The following CLIP2 variants were observed in gnomAD, a reference collection of about 807,000 sequenced individuals.
CLIP2 encodes the protein CAP-Gly domain containing linker protein 2, also known as CAP-Gly domain-containing linker protein 2.
Under a neutral mutation model 111.7 loss-of-function variants are expected in CLIP2, and 41 were observed. The observed-to-expected ratio is 0.37, with a 90% confidence interval of 0.29 to 0.48. The LOEUF (loss-of-function observed/expected upper bound fraction) is 0.48, where lower values mean the gene tolerates loss of function less well. CLIP2 is among the 20% of genes least tolerant of loss of function. The pLI, the probability that CLIP2 is intolerant of heterozygous loss-of-function variation, is 0.99. For synonymous variants in CLIP2, 660 were observed against 644.2 expected, an observed-to-expected ratio of 1.02 and a Z score of -0.37; for missense variants, 1,160 against 1,422.1, an observed-to-expected ratio of 0.82 and a Z score of 2.96.
intron 2 of CLIP2, among the ~76,000 whole-genome samples, chr7:74,322,993 C>A (rs1789004561): frequency 6.6e-6 from 1 of 151,966 alleles, no homozygotes; most frequent in East Asian, 1.9e-4. Flanking sequence ...CCTTCCAAAG[C>A]GCTGGGATTA....
intron 13 of CLIP2, among the ~76,000 whole-genome samples, chr7:74,392,456 C>T (rs188284757): frequency 1.3e-5 from 2 of 151,924 alleles, no homozygotes; most frequent in East Asian, 3.9e-4. Flanking sequence ...TTACTTGGGC[C>T]CAGGAAGTGG....
intron 13 of CLIP2, among the ~76,000 whole-genome samples, chr7:74,390,687 G>T (rs1791269610): frequency 7.1e-6 from 1 of 140,944 alleles, no homozygotes; most frequent in Non-Finnish European, 1.5e-5. Context: ...AAATTAATAA[G>T]CCAATTGCAT....
At chr7:74,336,891 T>TTTTTTTTTTTTTTGTTTTTTTTTTTTTTG (rs1564049067) in intron 2 of CLIP2, among the ~76,000 whole-genome samples, 5 of 1,008 alleles carry the variant, frequency 5.0e-3, no homozygotes, top group African/African-American at 6.8e-3. Flanking sequence ...TTTTGTTTTG[T>TTTTTTTTTTTTTTGTTTTTTTTTTTTTTG]TTTTTTTTTT....
chr7:74,404,806 G>C lies in CLIP2; in HGVS notation c.*958G>C, dbSNP rs1307561892. On this transcript the variant is annotated 3_prime_UTR_variant, in exon 17 of 17. Coordinates refer to ENST00000223398, the MANE Select transcript of CLIP2 (RefSeq NM_003388.5). ...TACACACCACGTTCACACACACACA[G>C]AGGGACCACGTGTGCACGCATGACC... The C allele has an allele frequency of 5.9e-5, 9 of 152,216 alleles. No individual in the cohort carries two copies. Among genetic ancestry groups the C allele is most frequent in the Admixed American group, 1.3e-4 (2 of 15,266 alleles). 9.4% of individuals were successfully genotyped at this position (152,216 alleles called of 1,614,324 possible).
chr7:74,332,480 T>TTTTTA (rs10667279), intron 2 of CLIP2, among the ~76,000 whole-genome samples: 2 of 145,806 alleles, frequency 1.4e-5, no homozygotes, highest in Non-Finnish European at 1.5e-5. Context: ...TTTTTTTTTT[T>TTTTTA]AGAGATGGGG....
Position 74,342,688 on chromosome 7 carries a change from C to T in CLIP2, c.678+3684C>T, listed in dbSNP as rs375690398. Among the ~76,000 whole-genome samples, 11 of 151,932 alleles carry T rather than the reference C, an allele frequency of 7.2e-5. No individual in the cohort carries two copies. In the South Asian group the frequency reaches 1.9e-3, roughly 26 times the overall value. Reference sequence around the variant, plus strand: ...CAGCATTTTGGGAGGCCGAGGTAGGCGGATCACTTGAGGTCAGGAGTTCAA... The same window carrying T: ...CAGCATTTTGGGAGGCCGAGGTAGGTGGATCACTTGAGGTCAGGAGTTCAA... On this transcript the variant is annotated intron_variant, in intron 3 of 16. Transcript: ENST00000223398.
At chr7:74,359,264 C>T (rs1321424493) in intron 6 of CLIP2, among the ~76,000 whole-genome samples, 7 of 150,892 alleles carry the variant, frequency 4.6e-5, no homozygotes, top group Admixed American at 6.6e-5. Context: ...CCACCGTGCC[C>T]GGCCAATTTT....
intron 11 of CLIP2, chr7:74,381,555 C>T (rs1554313918): frequency 2.2e-6 from 1 of 453,740 alleles, no homozygotes; most frequent in African/African-American, 2.0e-5. Flanking sequence ...TAACTCTTCA[C>T]TGTTCTCTAT....
At chr7:74,379,683 C>T (rs1408830494) in intron 10 of CLIP2, among the ~76,000 whole-genome samples, 1 of 150,858 alleles carries the variant, frequency 6.6e-6, no homozygotes, top group Non-Finnish European at 1.5e-5. Context: ...AGAATCGCTT[C>T]AGAGTCCTGG....
At chr7:74,388,965 C>A in intron 12 of CLIP2, 138 bp from the exon 13 acceptor site, 1 of 1,049,262 alleles carries the variant, frequency 9.5e-7, no homozygotes, top group Non-Finnish European at 1.4e-6. Context: ...CTAAAAAAAC[C>A]GTCAAAACTA....
At chr7:74,371,276 G>T (rs1453997216) in intron 8 of CLIP2, among the ~76,000 whole-genome samples, 1 of 151,488 alleles carries the variant, frequency 6.6e-6, no homozygotes, top group Admixed American at 6.6e-5. Flanking sequence ...AGGTTGAGGG[G>T]AGGAGTCCTT....
chr7:74,292,908 T>C (rs1298957232), intron 1 of CLIP2, among the ~76,000 whole-genome samples: 1 of 152,202 alleles, frequency 6.6e-6, no homozygotes, highest in Non-Finnish European at 1.5e-5. Flanking sequence ...TGATTCTGCC[T>C]TCTCAGACAC....
intron 1 of CLIP2, among the ~76,000 whole-genome samples, chr7:74,309,506 G>A (rs1415639886): frequency 1.3e-5 from 2 of 152,008 alleles, no homozygotes; most frequent in African/African-American, 2.4e-5. Flanking sequence ...TCATATGAAC[G>A]GATTCATACA....
In CLIP2 at chr7:74,366,652, G is replaced by A. The variant is rs375700307; in HGVS notation, c.1380+2337G>A. ...CAACACTTTGGGAGGCCAAAGCGGC[G>A]GATCACTTGAGGTCAGGAGTTTGAG... is the stretch of plus-strand genomic sequence containing the variant. On this transcript the variant is annotated intron_variant, in intron 8 of 16. Transcript: ENST00000223398. 1.0e-3 allele frequency among the ~76,000 whole-genome samples: 154 copies of A among 152,230 alleles called. 1 individual carries two copies. Among genetic ancestry groups the A allele is most frequent in the African/African-American group, 3.4e-3 (143 of 41,550 alleles).
chr7:74,370,405 A>G (rs573454170), intron 8 of CLIP2, among the ~76,000 whole-genome samples: 13 of 151,560 alleles, frequency 8.6e-5, no homozygotes, highest in African/African-American at 1.5e-4. Context: ...GCAGTGAGCC[A>G]AGATCGCGCC....
Position 74,321,986 on chromosome 7 carries a change from C to CTTT in CLIP2, c.121+4332_121+4334dup, listed in dbSNP as rs34549907. Among the ~76,000 whole-genome samples the CTTT allele has an allele frequency of 1.2e-4, 15 of 125,418 alleles. 1 individual carries two copies. Among genetic ancestry groups the CTTT allele is most frequent in the East Asian group, 4.7e-4 (2 of 4,252 alleles). 82.3% of individuals were successfully genotyped at this position (125,418 alleles called of 152,430 possible). ...TTTTTATTATTTTATTTTATTTTTC[C>CTTT]TTTTTTTTTTTTTTTGAGACAGAGT... On this transcript the variant is annotated intron_variant, in intron 2 of 16. Coordinates refer to ENST00000223398, the MANE Select transcript of CLIP2 (RefSeq NM_003388.5).
chr7:74,377,063 C>T (rs1790813187), intron 10 of CLIP2, among the ~76,000 whole-genome samples: 2 of 152,110 alleles, frequency 1.3e-5, no homozygotes, highest in Admixed American at 6.6e-5. Flanking sequence ...CTGGCTGCAT[C>T]CCCCCGCACA....
intron 8 of CLIP2, among the ~76,000 whole-genome samples, chr7:74,370,391 G>T (rs1389431291): frequency 1.6e-4 from 24 of 151,362 alleles, no homozygotes; most frequent in Non-Finnish European, 1.6e-4. Flanking sequence ...AGGAAGCAGA[G>T]GTTGCAGTGA....
intron 1 of CLIP2, among the ~76,000 whole-genome samples, chr7:74,307,497 T>C (rs1554727950): frequency 6.6e-6 from 1 of 152,096 alleles, no homozygotes; most frequent in Non-Finnish European, 1.5e-5. Context: ...TTTTTTTGTT[T>C]TTGGTTTTGT....
Sources: allele counts gnomAD v4.1 joint callset (sites outside exome capture counted in the v4.1 genomes callset), GRCh38; gene constraint gnomAD v4.1.1; transcripts MANE v1.5; gene names NCBI Gene and HGNC (gene_info 2026-07-23, HGNC 2026-07-21).